The following ASRGL1 variants were observed in gnomAD, a reference collection of about 807,000 sequenced individuals.
The protein encoded by ASRGL1 is asparaginase and isoaspartyl peptidase 1.
In ASRGL1, 16 loss-of-function variants were observed where a neutral mutation model predicts 22.4. The ratio of observed to expected loss-of-function variants is 0.71; its 90% confidence interval spans 0.48 to 1.08. The LOEUF (loss-of-function observed/expected upper bound fraction) is 1.08, where lower values mean the gene tolerates loss of function less well. Ranked by LOEUF, ASRGL1 falls within the 50% of genes least tolerant of loss-of-function variation. The pLI is 0.00. For missense variants in ASRGL1, 412 were observed against 410.1 expected (o/e 1.00, Z -0.04); for synonymous variants, 165 against 159.3 (o/e 1.04, Z -0.27).
intron 4 of ASRGL1, chr11:62,371,711 G>T: frequency 3.4e-6 from 2 of 581,676 alleles, no homozygotes; most frequent in South Asian, 2.8e-5. Flanking sequence ...CCAGCACTTT[G>T]GGAGGCCGAG....
At position 62,380,714 on chromosome 11, in the gene ASRGL1, T is replaced by C. The variant is rs544407950; in HGVS notation, c.492-8419T>C. Among the ~76,000 whole-genome samples the C allele has an allele frequency of 3.3e-5, 5 of 152,286 alleles. No individual in the cohort carries two copies. The South Asian group carries it at 1.0e-3, about 32-fold the overall frequency. ...GCAGTGGAACCTAATAATGTTCTCA[T>C]ATAAGGGGAGTTGGGTCCATACTGT... On this transcript the variant is annotated intron_variant, in intron 4 of 6. Transcript: ENST00000415229.
intron 4 of ASRGL1, among the ~76,000 whole-genome samples, chr11:62,383,913 C>CA (rs35068655): frequency 0.16 from 19,019 of 122,146 alleles, 1,879 homozygotes; most frequent in African/African-American, 0.27. Flanking sequence ...GAGTTGGTCT[C>CA]AAAAAAAAAA....
intron 5 of ASRGL1, among the ~76,000 whole-genome samples, chr11:62,390,995 CCCCCACTTAAGTGGATAG>C (rs1487025967): frequency 7.9e-5 from 12 of 152,332 alleles, no homozygotes; most frequent in Non-Finnish European, 1.6e-4. Flanking sequence ...TCACTCCAGA[CCCCCACTTAAGTGGATAG>C]CCCAGAATAG....
intron 4 of ASRGL1, among the ~76,000 whole-genome samples, chr11:62,385,041 T>C (rs1947170096): frequency 6.8e-6 from 1 of 146,944 alleles, no homozygotes; most frequent in Non-Finnish European, 1.5e-5. Context: ...ATATTAAATA[T>C]ATGGTATGTG....
At chr11:62,371,560 C>G (rs1946766412) in intron 4 of ASRGL1, 1 of 702,148 alleles carries the variant, frequency 1.4e-6, no homozygotes, top group Admixed American at 1.8e-5. Context: ...CCCAGGGACA[C>G]AATACACTGC....
chr11:62,368,026 C>A (rs1946663420), intron 4 of ASRGL1, among the ~76,000 whole-genome samples: 1 of 152,058 alleles, frequency 6.6e-6, no homozygotes, highest in African/African-American at 2.4e-5. Flanking sequence ...GAGTTTGAGA[C>A]TGTAACCAGT....
intron 4 of ASRGL1, among the ~76,000 whole-genome samples, chr11:62,361,696 C>G (rs946440844): frequency 3.3e-5 from 5 of 152,028 alleles, no homozygotes; most frequent in Admixed American, 3.3e-4. Flanking sequence ...CCATGTTGGC[C>G]AGGCTGGTCT....
chr11:62,347,659 A>G (rs1201099167), intron 2 of ASRGL1, among the ~76,000 whole-genome samples: 2 of 151,920 alleles, frequency 1.3e-5, no homozygotes, highest in Non-Finnish European at 2.9e-5. Context: ...CTGCCTTTGC[A>G]AGCCAGGTGT....
intron 2 of ASRGL1, among the ~76,000 whole-genome samples, chr11:62,347,925 TAAA>T (rs1946069867): frequency 6.6e-6 from 1 of 152,058 alleles, no homozygotes; most frequent in African/African-American, 2.4e-5. Context: ...AGGCTCCATC[TAAA>T]AAATAAAAAA....
intron 4 of ASRGL1, among the ~76,000 whole-genome samples, chr11:62,359,902 T>C (rs1264571131): frequency 6.6e-6 from 1 of 152,094 alleles, no homozygotes. Flanking sequence ...TATTTACTAA[T>C]TATAATTCAT....
intron 4 of ASRGL1, among the ~76,000 whole-genome samples, chr11:62,368,022 G>C (rs561916721): frequency 2.6e-5 from 4 of 152,074 alleles, no homozygotes; most frequent in Non-Finnish European, 5.9e-5. Flanking sequence ...TCAGGAGTTT[G>C]AGACTGTAAC....
chr11:62,353,102 T>G (rs1050373962), intron 2 of ASRGL1, among the ~76,000 whole-genome samples: 3 of 152,152 alleles, frequency 2.0e-5, no homozygotes, highest in African/African-American at 7.2e-5. Context: ...TTGGCTGGGC[T>G]CTGTTCATTT....
intron 4 of ASRGL1, among the ~76,000 whole-genome samples, chr11:62,385,845 CAA>C (rs1054174479): frequency 6.6e-6 from 1 of 151,984 alleles, no homozygotes; most frequent in Admixed American, 6.6e-5. Context: ...GCATGGGCAA[CAA>C]GAGCAAAACT....
chr11:62,371,458 G>T lies in ASRGL1; in HGVS notation c.491+14314G>T, dbSNP rs1468419421. 6.7e-6 allele frequency: 4 copies of T among 592,758 alleles called. No homozygotes were observed. The East Asian group carries it at 1.2e-4, about 18-fold the overall frequency. 36.7% of individuals were successfully genotyped at this position (592,758 alleles called of 1,614,324 possible). A position where few individuals can be genotyped will look rare whatever the true frequency, so the allele number is the denominator to read the frequency against. On this transcript the variant is annotated intron_variant, in intron 4 of 6. Transcript: ENST00000415229. Reference sequence around the variant, plus strand: ...GTGCTGTGTTTACTCAAGGTTTAATGGATTTAGGGCTGTGCAGGCTGTGCT... The same window carrying T: ...GTGCTGTGTTTACTCAAGGTTTAATTGATTTAGGGCTGTGCAGGCTGTGCT...
In ASRGL1 at chr11:62,349,128, C is replaced by T. The variant is rs145945807; in HGVS notation, c.191-7197C>T. ...GGATTACAGGCATGCACCACCACAC[C>T]CAACTAATTTTTGTATTTTTAGTAG... is the stretch of plus-strand genomic sequence containing the variant. On this transcript the variant is annotated intron_variant, in intron 2 of 6. Transcript: ENST00000415229. Among the ~76,000 whole-genome samples, 742 of 152,204 alleles carry T rather than the reference C, an allele frequency of 4.9e-3. 6 individuals carry two copies. Among genetic ancestry groups the T allele is most frequent in the African/African-American group, 0.017 (710 of 41,532 alleles).
chr11:62,394,610 A>G (rs1051365259), downstream of ASRGL1, among the ~76,000 whole-genome samples: 2 of 151,928 alleles, frequency 1.3e-5, no homozygotes, highest in African/African-American at 4.8e-5. Context: ...GGAAGGAGGG[A>G]GCTGGGGGAT....
chr11:62,383,710 T>C (rs1947132265), intron 4 of ASRGL1, among the ~76,000 whole-genome samples: 1 of 148,108 alleles, frequency 6.8e-6, no homozygotes, highest in Non-Finnish European at 1.5e-5. Flanking sequence ...CTGCCTGAGC[T>C]CAGGAGTTCA....
chr11:62,364,737 A>G (rs955979142), intron 4 of ASRGL1, among the ~76,000 whole-genome samples: 3 of 152,212 alleles, frequency 2.0e-5, no homozygotes, highest in African/African-American at 7.2e-5. Flanking sequence ...GAAAGATACT[A>G]CATGATCTCA....
intron 2 of ASRGL1, among the ~76,000 whole-genome samples, chr11:62,341,788 G>T (rs1366355797): frequency 2.0e-5 from 3 of 152,090 alleles, no homozygotes; most frequent in Non-Finnish European, 2.9e-5. Flanking sequence ...CCACAATCAA[G>T]ATATAAACCA....
Sources: gnomAD v4.1 joint callset for allele counts (sites outside exome capture counted in the v4.1 genomes callset) on GRCh38, gnomAD v4.1.1 for gene constraint, MANE v1.5 for transcripts, NCBI Gene and HGNC (gene_info 2026-07-23, HGNC 2026-07-21) for gene names.